FOCAD: variants seen among roughly 807,000 people sequenced by gnomAD.
The protein encoded by FOCAD is KIAA1797.
FOCAD carries 198 observed loss-of-function variants against 225.6 expected under a neutral mutation model. The observed-to-expected ratio is 0.88, with a 90% confidence interval of 0.78 to 0.99. The LOEUF (loss-of-function observed/expected upper bound fraction) is 0.99. Among genes scored for constraint, FOCAD ranks in the 50% least tolerant of loss-of-function variants. The pLI is 0.00. For missense variants in FOCAD, 2,713 were observed against 2,123.6 expected (o/e 1.28, Z -5.46); for synonymous variants, 897 against 755.0 (o/e 1.19, Z -3.08).
chr9:20,689,370 G>A (rs1278499430), intron 1 of FOCAD, among the ~76,000 whole-genome samples: 1 of 150,690 alleles, frequency 6.6e-6, no homozygotes, highest in Non-Finnish European at 1.5e-5. Flanking sequence ...CCTAATTTCC[G>A]AGGTTTAGAT....
intron 7 of FOCAD, among the ~76,000 whole-genome samples, chr9:20,766,616 C>T (rs1363100636): frequency 6.6e-6 from 1 of 151,554 alleles, no homozygotes; most frequent in African/African-American, 2.4e-5. Context: ...ATTTTTCTCC[C>T]TTCTTTCCTT....
At chr9:20,995,532 C>T in intron 43 of FOCAD, 24 bp from the exon 44 acceptor site, 1 of 1,595,978 alleles carries the variant, frequency 6.3e-7, no homozygotes, top group Non-Finnish European at 8.6e-7. Context: ...CAAATGCAGC[C>T]ATACCTATAT....
intron 11 of FOCAD, among the ~76,000 whole-genome samples, chr9:20,804,516 T>G (rs1822199799): frequency 6.6e-6 from 1 of 152,166 alleles, no homozygotes; most frequent in African/African-American, 2.4e-5. Context: ...TTAGGTTGTC[T>G]TAGATCAAAC....
intron 2 of FOCAD, among the ~76,000 whole-genome samples, chr9:20,660,961 T>C (rs2131254708): frequency 6.6e-6 from 1 of 151,476 alleles, no homozygotes. Flanking sequence ...TAAAATGGAG[T>C]GGTTGAACAT....
At chr9:20,827,539 C>T (rs1370242954) in intron 15 of FOCAD, among the ~76,000 whole-genome samples, 1 of 151,392 alleles carries the variant, frequency 6.6e-6, no homozygotes, top group Admixed American at 6.6e-5. Context: ...TGTATACACA[C>T]CATGGAATAT....
chr9:20,689,987 A>G (rs1822881525), intron 1 of FOCAD, among the ~76,000 whole-genome samples: 1 of 152,214 alleles, frequency 6.6e-6, no homozygotes, highest in Non-Finnish European at 1.5e-5. Flanking sequence ...AATTCCCAAA[A>G]TACTTTTGCA....
intron 18 of FOCAD, among the ~76,000 whole-genome samples, chr9:20,873,294 T>C (rs1829956536): frequency 6.6e-6 from 1 of 152,164 alleles, no homozygotes; most frequent in Non-Finnish European, 1.5e-5. Flanking sequence ...AACCAACTTC[T>C]TTCTCAGGAC....
intron 43 of FOCAD, among the ~76,000 whole-genome samples, chr9:20,994,436 T>G (rs967556573): frequency 6.6e-6 from 1 of 152,252 alleles, no homozygotes; most frequent in Non-Finnish European, 1.5e-5. Context: ...GAAAGTTGCC[T>G]GTTGGCCTAT....
rs149661262 is a variant in FOCAD, at chr9:20,720,524, C to A, written c.277C>A (p.Pro93Thr). Residue 93 changes from proline to threonine, a missense_variant, in exon 4 of 44, where the codon CCA becomes ACA. Pro to Thr is a conservative substitution (Grantham distance 38). Transcript: ENST00000338382. ...YVLNGILNLIPSTRNTHGLIK... is the reference protein window; with the variant it reads ...YVLNGILNLITSTRNTHGLIK... ...TCTCAATGGGATACTCAACTTGATT[C>A]CATCAACCAGGTACTTTTTCCTCAG... The A allele has an allele frequency of 7.3e-5, 117 of 1,613,528 alleles. No individual in the cohort carries two copies. The highest frequency in any genetic ancestry group is 9.0e-5 in the Non-Finnish European group (106 of 1,179,850).
intron 11 of FOCAD, among the ~76,000 whole-genome samples, chr9:20,809,227 G>C: frequency 6.6e-6 from 1 of 152,182 alleles, no homozygotes; most frequent in Middle Eastern, 3.4e-3. Flanking sequence ...ATGCATCTGA[G>C]GCCTTCTCAG....
intron 5 of FOCAD, among the ~76,000 whole-genome samples, chr9:20,742,800 A>C (rs567468968): frequency 6.6e-6 from 1 of 152,096 alleles, no homozygotes; most frequent in African/African-American, 2.4e-5. Context: ...TCAAAAGGCA[A>C]TTGCTGCAAG....
chr9:20,991,938 G>T (rs943571279), intron 42 of FOCAD, among the ~76,000 whole-genome samples: 1 of 152,028 alleles, frequency 6.6e-6, no homozygotes, highest in Non-Finnish European at 1.5e-5. Flanking sequence ...TGTAGTGCTT[G>T]ACTTTTTTGC....
chr9:20,904,016 C>T (rs986963120), intron 21 of FOCAD, among the ~76,000 whole-genome samples: 5 of 151,926 alleles, frequency 3.3e-5, no homozygotes, highest in Non-Finnish European at 7.4e-5. Flanking sequence ...TCATATAACA[C>T]GTGACCATTT....
In FOCAD at chr9:20,848,095, G is replaced by C. The variant is rs1483997742; in HGVS notation, c.1921-14483G>C. On this transcript the variant is annotated intron_variant, in intron 15 of 43. Transcript: ENST00000338382. ...TCACTGACAAAAAGGAGATTAATAG[G>C]TGCATACAAATTTATTTGATCATAG... Among the ~76,000 whole-genome samples, 3 of 151,916 alleles carry C rather than the reference G, an allele frequency of 2.0e-5. No individual in the cohort carries two copies. In the Admixed American group the frequency reaches 2.0e-4, roughly 10 times the overall value.
chr9:20,665,931 G>T (rs1266458483), intron 2 of FOCAD, among the ~76,000 whole-genome samples: 1 of 151,924 alleles, frequency 6.6e-6, no homozygotes, highest in African/African-American at 2.4e-5. Context: ...GTCTCGCTCT[G>T]TCACCGAGGT....
In FOCAD at chr9:20,812,065, G is replaced by A. The variant is rs74354652; in HGVS notation, c.1456-7731G>A. Reference sequence around the variant, plus strand: ...CAAGGGCTTATGCAAAGTTGAGTGAGTCAGCATTTGTTGAATCTAAGGCTA... The same window carrying A: ...CAAGGGCTTATGCAAAGTTGAGTGAATCAGCATTTGTTGAATCTAAGGCTA... On this transcript the variant is annotated intron_variant, in intron 11 of 43. Coordinates refer to ENST00000338382, the MANE Select transcript of FOCAD (RefSeq NM_001375567.1). 9.5e-3 allele frequency among the ~76,000 whole-genome samples: 1,448 copies of A among 152,132 alleles called. 11 individuals are homozygous for A. The highest frequency in any genetic ancestry group is 0.015 in the Non-Finnish European group (996 of 67,922).
At chr9:20,787,888 T>G (rs1820093113) in intron 10 of FOCAD, among the ~76,000 whole-genome samples, 1 of 152,236 alleles carries the variant, frequency 6.6e-6, no homozygotes, top group Admixed American at 6.5e-5. Context: ...GGAATCTTTT[T>G]ATATCAATAC....
At position 20,810,473 on chromosome 9, in the gene FOCAD, C is replaced by A. The variant is rs368398837; in HGVS notation, c.1456-9323C>A. On this transcript the variant is annotated intron_variant, in intron 11 of 43. Coordinates refer to ENST00000338382, the MANE Select transcript of FOCAD (RefSeq NM_001375567.1). ...TTTAACTTTTATTTGACTAGTCAGA[C>A]TGCCAAAGATTTAGAGCTCACGTGG... 1.6e-4 allele frequency among the ~76,000 whole-genome samples: 24 copies of A among 152,230 alleles called. 1 individual carries two copies. The highest frequency in any genetic ancestry group is 1.4e-3 in the South Asian group (7 of 4,834).
upstream of FOCAD, among the ~76,000 whole-genome samples, chr9:20,681,513 T>A (rs887296479): frequency 6.6e-6 from 1 of 152,242 alleles, no homozygotes; most frequent in East Asian, 1.9e-4. Context: ...ATTGTCCATA[T>A]TTTTTAACTT....
Sources: gnomAD v4.1 joint callset for allele counts (sites outside exome capture counted in the v4.1 genomes callset) on GRCh38, gnomAD v4.1.1 for gene constraint, MANE v1.5 for transcripts, NCBI Gene and HGNC (gene_info 2026-07-23, HGNC 2026-07-21) for gene names.